The following PHC2 variants were observed in gnomAD, a reference collection of about 807,000 sequenced individuals.
PHC2 encodes the protein polyhomeotic homolog 2, also known as polyhomeotic-like protein 2.
In PHC2, 29 loss-of-function variants were observed where a neutral mutation model predicts 87.4. That is an observed-to-expected ratio of 0.33 (90% confidence interval 0.25 to 0.45). The LOEUF (loss-of-function observed/expected upper bound fraction) is 0.45, where lower values mean the gene tolerates loss of function less well. Among genes scored for constraint, PHC2 ranks in the 20% least tolerant of loss-of-function variants. The pLI is 1.00. For missense variants in PHC2, 857 were observed against 1,136.7 expected, an observed-to-expected ratio of 0.75 and a Z score of 3.54; for synonymous variants, 438 against 461.7, an observed-to-expected ratio of 0.95 and a Z score of 0.66.
chr1:33,340,833 G>A (rs61062917), intron 9 of PHC2, among the ~76,000 whole-genome samples: 4,086 of 146,692 alleles, frequency 0.028, 193 homozygotes, highest in African/African-American at 0.093. Context: ...TAAAATGCAA[G>A]TATACATCTT....
At chr1:33,413,840 T>C (rs1650081368) in intron 1 of PHC2, among the ~76,000 whole-genome samples, 1 of 152,202 alleles carries the variant, frequency 6.6e-6, no homozygotes, top group Non-Finnish European at 1.5e-5. Flanking sequence ...GCTGTAATTA[T>C]CCATCAAACT....
Position 33,355,021 on chromosome 1 carries a change from G to A in PHC2, c.1209C>T (p.Pro403=), listed in dbSNP as rs547600977. Residue 403 remains proline (P), a synonymous_variant, in exon 8 of 15, where the codon CCC becomes CCT. Transcript: ENST00000683057. The stretch of plus-strand genomic sequence containing the variant: ...CAGTGGGACACTGGAGTGGCAGGGC[G>A]GGTGTAACCGGGCCTAGTGGCATGG... The part of the protein sequence containing the change: ...AHAMPLGPVT[P]ALPLQCPTAN... 81 of 1,614,004 alleles carry A rather than the reference G, an allele frequency of 5.0e-5. No homozygotes were observed. The Admixed American group carries it at 6.3e-4, about 13-fold the overall frequency.
chr1:33,365,712 C>T (rs919591453), intron 7 of PHC2, among the ~76,000 whole-genome samples: 1 of 152,244 alleles, frequency 6.6e-6, no homozygotes, highest in African/African-American at 2.4e-5. Context: ...AGGTGCCTTT[C>T]TTGGCTCAGC....
At chr1:33,430,309 C>T (rs557118716) in intron 1 of PHC2, among the ~76,000 whole-genome samples, 1 of 152,366 alleles carries the variant, frequency 6.6e-6, no homozygotes, top group South Asian at 2.1e-4. Flanking sequence ...GGGCATCCCT[C>T]CTTCTCCAAC....
intron 9 of PHC2, among the ~76,000 whole-genome samples, chr1:33,337,106 A>G (rs923836628): frequency 2.6e-5 from 4 of 152,232 alleles, no homozygotes; most frequent in Non-Finnish European, 5.9e-5. Flanking sequence ...TTTTTAGATG[A>G]TGGCTATTTC....
chr1:33,402,822 G>A (rs1649593998), intron 1 of PHC2, among the ~76,000 whole-genome samples: 1 of 142,000 alleles, frequency 7.0e-6, no homozygotes, highest in Admixed American at 7.1e-5. Context: ...TAAAAGAAAA[G>A]CAAGGGAAAA....
At chr1:33,402,832 A>G (rs896889675) in intron 1 of PHC2, among the ~76,000 whole-genome samples, 1 of 109,728 alleles carries the variant, frequency 9.1e-6, no homozygotes, top group African/African-American at 2.7e-5. Context: ...GCAAGGGAAA[A>G]CTCTTTTTTT....
intron 1 of PHC2, among the ~76,000 whole-genome samples, chr1:33,388,611 C>T (rs1050536453): frequency 6.6e-6 from 1 of 152,072 alleles, no homozygotes. Flanking sequence ...AGCCACCACA[C>T]CCAGCCCAGT....
chr1:33,346,595 C>G, intron 9 of PHC2: 1 of 985,266 alleles, frequency 1.0e-6, no homozygotes, highest in Non-Finnish European at 1.2e-6. Context: ...TGGTAAACAC[C>G]GTACTAATGA....
rs1647362386 is a variant in PHC2, at chr1:33,364,945, C to T, written c.976+2171G>A. On this transcript the variant is annotated intron_variant, in intron 7 of 14. Coordinates refer to ENST00000683057, the MANE Select transcript of PHC2 (RefSeq NM_001385109.1). This position sits in a 1 kb window ranked among gnomAD's most constrained non-coding sequence, Gnocchi z 4.1. ...TGGGGTCTCCACCAGACTCTGCAAA[C>T]CCTCAATAGGCTTAGACCCCCCAGA... 6.6e-6 allele frequency among the ~76,000 whole-genome samples: 1 copy of T among 152,176 alleles called. No individual in the cohort carries two copies. Among genetic ancestry groups the T allele is most frequent in the African/African-American group, 2.4e-5 (1 of 41,438 alleles).
chr1:33,367,349 G>A lies in PHC2; in HGVS notation c.743C>T (p.Pro248Leu), dbSNP rs1044422595. ...SGPTPTQPVL[P>L]SLALKPTPGG... ...CGGCGTGGGTTTCAGGGCCAAGCTG[G>A]GCAGGACAGGCTGAGTGGGGGTGGG... The change falls in exon 7 of 15, where the codon CCC becomes CTC. Residue 248 changes from proline (P) to leucine (L), a missense_variant. Coordinates refer to ENST00000683057, the MANE Select transcript of PHC2 (RefSeq NM_001385109.1). The A allele has an allele frequency of 1.9e-6, 3 of 1,612,038 alleles. No homozygotes were observed. The African/African-American group carries it at 4.0e-5, about 22-fold the overall frequency.
chr1:33,377,886 G>C (rs546496130), intron 1 of PHC2, among the ~76,000 whole-genome samples: 1 of 152,208 alleles, frequency 6.6e-6, no homozygotes, highest in East Asian at 1.9e-4. Flanking sequence ...TAAAAGACAG[G>C]AATGTTGGGA....
In PHC2 at chr1:33,370,418, C is replaced by CA; in HGVS notation, c.576+2dup. Reference sequence around the variant, plus strand: ...AGCCATGGCCCTGGCCATGGGTACTCACCATCTGTGCCCTCAGATACATCT... The same window carrying CA: ...AGCCATGGCCCTGGCCATGGGTACTCAACCATCTGTGCCCTCAGATACATCT... On this transcript the variant is annotated splice_region_variant and intron_variant, in intron 5 of 14. Transcript: ENST00000683057. 1.9e-6 allele frequency: 3 copies of CA among 1,612,408 alleles called. No individual in the cohort carries two copies. Among genetic ancestry groups the CA allele is most frequent in the Non-Finnish European group, 1.7e-6 (2 of 1,178,766 alleles).
intron 1 of PHC2, among the ~76,000 whole-genome samples, chr1:33,379,068 A>G (rs1378008038): frequency 6.6e-6 from 1 of 151,832 alleles, no homozygotes; most frequent in Non-Finnish European, 1.5e-5. Context: ...AATCTTGTTA[A>G]GAAATAAGAC....
At chr1:33,410,884 A>G (rs1421129128) in intron 1 of PHC2, among the ~76,000 whole-genome samples, 1 of 152,188 alleles carries the variant, frequency 6.6e-6, no homozygotes, top group African/African-American at 2.4e-5. Flanking sequence ...CTTTATATAA[A>G]GAGAACAAAC....
chr1:33,326,729 G>A (rs1411248202), intron 14 of PHC2, among the ~76,000 whole-genome samples: 1 of 152,180 alleles, frequency 6.6e-6, no homozygotes, highest in African/African-American at 2.4e-5. Flanking sequence ...TGAGGTGGGT[G>A]GATCGCCTGA....
intron 1 of PHC2, among the ~76,000 whole-genome samples, chr1:33,395,501 C>T (rs1372031791): frequency 1.3e-5 from 2 of 151,514 alleles, no homozygotes; most frequent in African/African-American, 2.4e-5. Flanking sequence ...TAATGCTATA[C>T]ATACTGAAGT....
chr1:33,353,265 C>T (rs1035009765), intron 9 of PHC2: 17 of 152,130 alleles, frequency 1.1e-4, no homozygotes, highest in African/African-American at 3.1e-4. Flanking sequence ...AGAGACAGTC[C>T]GACAACTGTC....
At chr1:33,339,226 G>A (rs954066164) in intron 9 of PHC2, among the ~76,000 whole-genome samples, 7 of 152,164 alleles carry the variant, frequency 4.6e-5, no homozygotes, top group African/African-American at 1.7e-4. Context: ...TATGACAGGT[G>A]CTTAATGACC....
Sources: allele counts gnomAD v4.1 joint callset (sites outside exome capture counted in the v4.1 genomes callset), GRCh38; gene constraint gnomAD v4.1.1; non-coding constraint Gnocchi (gnomAD v3.1); transcripts MANE v1.5; gene names NCBI Gene and HGNC (gene_info 2026-07-23, HGNC 2026-07-21).